Variants in GPATCH2 observed in about 807,000 individuals in gnomAD.
GPATCH2 encodes G-patch domain containing 2.
Under a neutral mutation model 58.0 loss-of-function variants are expected in GPATCH2, and 51 were observed. That is an observed-to-expected ratio of 0.88 (90% CI 0.70 to 1.11). The LOEUF (loss-of-function observed/expected upper bound fraction) is 1.11. Ranked by LOEUF, GPATCH2 falls within the 50% of genes most tolerant of loss-of-function variation. The probability of loss-of-function intolerance (pLI) is 0.00; values close to 1 mark genes in which losing one functional copy is unlikely to be tolerated. For missense variants in GPATCH2, 625 were observed against 652.2 expected (o/e 0.96, Z 0.45); for synonymous variants, 222 against 218.5 (o/e 1.02, Z -0.14).
At chr1:217,552,723 G>A (rs540575982) in intron 5 of GPATCH2, among the ~76,000 whole-genome samples, 35 of 152,122 alleles carry the variant, frequency 2.3e-4, no homozygotes, top group Non-Finnish European at 4.3e-4. Flanking sequence ...TAGGTCTACA[G>A]AGATGAAATA....
chr1:217,432,340 T>A (rs1449854309), intron 9 of GPATCH2, among the ~76,000 whole-genome samples: 1 of 150,916 alleles, frequency 6.6e-6, no homozygotes, highest in African/African-American at 2.4e-5. Context: ...ATTTTTTTTG[T>A]AGGCTCTTAT....
At chr1:217,559,379 C>A (rs2102688016) in intron 5 of GPATCH2, among the ~76,000 whole-genome samples, 1 of 152,108 alleles carries the variant, frequency 6.6e-6, no homozygotes, top group African/African-American at 2.4e-5. Context: ...TTCTAGATAT[C>A]TTTTCAATAT....
At chr1:217,460,069 G>A (rs746629512) in intron 8 of GPATCH2, among the ~76,000 whole-genome samples, 1 of 151,948 alleles carries the variant, frequency 6.6e-6, no homozygotes, top group East Asian at 1.9e-4. Context: ...TTTATTATCT[G>A]AACTACTACA....
chr1:217,530,293 T>G (rs1343885707), intron 5 of GPATCH2, among the ~76,000 whole-genome samples: 1 of 152,218 alleles, frequency 6.6e-6, no homozygotes, highest in African/African-American at 2.4e-5. Context: ...AACTTCTCCA[T>G]GTTTCAGTGT....
At chr1:217,527,627 C>G (rs1344658970) in intron 5 of GPATCH2, among the ~76,000 whole-genome samples, 1 of 152,112 alleles carries the variant, frequency 6.6e-6, no homozygotes, top group Non-Finnish European at 1.5e-5. Context: ...ACAAAACCCT[C>G]TCTTGTTCGA....
chr1:217,506,222 G>T (rs987474891), intron 6 of GPATCH2, among the ~76,000 whole-genome samples: 4 of 152,288 alleles, frequency 2.6e-5, no homozygotes, highest in African/African-American at 9.6e-5. Flanking sequence ...CTTCTGCTGG[G>T]TAACACTGGT....
chr1:217,473,280 AGTGT>A (rs71166009), intron 8 of GPATCH2, among the ~76,000 whole-genome samples: 6,426 of 142,026 alleles, frequency 0.045, 231 homozygotes, highest in African/African-American at 0.11. Context: ...GGTTTAGTTC[AGTGT>A]GTGTGTGTGT....
chr1:217,568,343 T>C (rs1666361007), intron 5 of GPATCH2, among the ~76,000 whole-genome samples: 1 of 152,122 alleles, frequency 6.6e-6, no homozygotes, highest in Non-Finnish European at 1.5e-5. Context: ...GTACTATGTG[T>C]CAGGCACAGT....
At chr1:217,499,277 C>G (rs561118648) in intron 6 of GPATCH2, among the ~76,000 whole-genome samples, 1 of 152,282 alleles carries the variant, frequency 6.6e-6, no homozygotes, top group African/African-American at 2.4e-5. Context: ...CCTCTATGTA[C>G]TAAGCACGTG....
chr1:217,601,022 T>G (rs545977570), intron 5 of GPATCH2, among the ~76,000 whole-genome samples: 1 of 152,298 alleles, frequency 6.6e-6, no homozygotes, highest in African/African-American at 2.4e-5. Context: ...AGAATTTGTA[T>G]GCAAATACTA....
intron 5 of GPATCH2, among the ~76,000 whole-genome samples, chr1:217,530,292 A>C (rs1220623581): frequency 6.6e-6 from 1 of 152,186 alleles, no homozygotes; most frequent in Non-Finnish European, 1.5e-5. Context: ...TAACTTCTCC[A>C]TGTTTCAGTG....
In GPATCH2 at chr1:217,607,322, T is replaced by C. The variant is rs530775414; in HGVS notation, c.1098+2999A>G. 2.8e-4 allele frequency among the ~76,000 whole-genome samples: 43 copies of C among 152,350 alleles called. 1 individual carries two copies. The highest frequency in any genetic ancestry group is 9.6e-4 in the African/African-American group (40 of 41,592). On this transcript the variant is annotated intron_variant, in intron 5 of 9. Coordinates refer to ENST00000366935, the MANE Select transcript of GPATCH2 (RefSeq NM_018040.5). ...TTCCTACTCGTTTAAACTATCATAC[T>C]GTAAACATATGTCCCTTTTGTAGTC...
In GPATCH2 at chr1:217,428,406, T is replaced by C. The variant is rs550386025; in HGVS notation, c.*2739A>G. ...ACGTTGTAACTGGCAAAAAATTAACTATATATAAAAGACAAATTAGTGGGC... is the reference window on the plus strand; with the variant it reads ...ACGTTGTAACTGGCAAAAAATTAACCATATATAAAAGACAAATTAGTGGGC... On this transcript the variant is annotated 3_prime_UTR_variant, in exon 10 of 10. Coordinates refer to ENST00000366935, the MANE Select transcript of GPATCH2 (RefSeq NM_018040.5). 6.6e-6 allele frequency: 1 copy of C among 152,320 alleles called. No homozygotes were observed. Among genetic ancestry groups the C allele is most frequent in the Non-Finnish European group, 1.5e-5 (1 of 68,018 alleles). 9.4% of individuals were successfully genotyped at this position (152,320 alleles called of 1,614,324 possible).
chr1:217,489,314 T>G (rs1661606250), intron 8 of GPATCH2, among the ~76,000 whole-genome samples: 1 of 152,162 alleles, frequency 6.6e-6, no homozygotes, highest in Non-Finnish European at 1.5e-5. Context: ...GGCAATTATA[T>G]ACTCTCTTTC....
At chr1:217,528,328 C>T (rs1313553721) in intron 5 of GPATCH2, among the ~76,000 whole-genome samples, 2 of 152,124 alleles carry the variant, frequency 1.3e-5, no homozygotes, top group East Asian at 1.9e-4. Context: ...AACAAGATAA[C>T]GTTTTCATGT....
chr1:217,623,853 G>T (rs569303959), intron 1 of GPATCH2, among the ~76,000 whole-genome samples: 1 of 152,150 alleles, frequency 6.6e-6, no homozygotes, highest in African/African-American at 2.4e-5. Flanking sequence ...AGTGAGCTGA[G>T]ATCGCAACAT....
intron 5 of GPATCH2, among the ~76,000 whole-genome samples, chr1:217,558,836 T>C (rs1466826336): frequency 6.6e-6 from 1 of 152,056 alleles, no homozygotes; most frequent in Admixed American, 6.6e-5. Context: ...AAGACCACAA[T>C]GAATCAAAGT....
chr1:217,629,332 C>T (rs969014852), intron 1 of GPATCH2, among the ~76,000 whole-genome samples: 10 of 152,100 alleles, frequency 6.6e-5, no homozygotes, highest in African/African-American at 1.9e-4. Context: ...TTCAAAAATA[C>T]TAAGTGCTAC....
chr1:217,504,746 C>T lies in GPATCH2; in HGVS notation c.1167-6351G>A, dbSNP rs979716687. Among the ~76,000 whole-genome samples, 6 of 152,310 alleles carry T rather than the reference C, an allele frequency of 3.9e-5. No homozygotes were observed. The East Asian group carries it at 9.6e-4, about 24-fold the overall frequency. On this transcript the variant is annotated intron_variant, in intron 6 of 9. Coordinates refer to ENST00000366935, the MANE Select transcript of GPATCH2 (RefSeq NM_018040.5). ...TTAACCATATACTTCCCCTTCATTT[C>T]CTTCAAGTACTATCATGTTTTGGGG...
Sources: gnomAD v4.1 joint callset for allele counts (sites outside exome capture counted in the v4.1 genomes callset) on GRCh38, gnomAD v4.1.1 for gene constraint, MANE v1.5 for transcripts, NCBI Gene and HGNC (gene_info 2026-07-23, HGNC 2026-07-21) for gene names.